Variants in ZFP2 observed in about 807,000 individuals in gnomAD.
ZFP2 encodes ZFP2 zinc finger protein.
ZFP2 carries 33 observed loss-of-function variants against 36.1 expected under a neutral mutation model. The observed-to-expected ratio is 0.92, with a 90% CI of 0.69 to 1.22. The LOEUF (loss-of-function observed/expected upper bound fraction) is 1.22, where lower values mean the gene tolerates loss of function less well. ZFP2 is among the 50% of genes most tolerant of loss of function. ZFP2 has a pLI of 0.00. For missense variants in ZFP2, 522 were observed against 551.4 expected (o/e 0.95, Z 0.53); for synonymous variants, 170 against 178.0 (o/e 0.96, Z 0.36).
chr5:178,932,746 A>C lies in ZFP2; in HGVS notation c.*47A>C. 6.5e-7 allele frequency: 1 copy of C among 1,527,670 alleles called. No homozygotes were observed. Among genetic ancestry groups the C allele is most frequent in the Non-Finnish European group, 8.8e-7 (1 of 1,141,142 alleles). The allele number at this position is 1,527,670 out of a possible 1,614,324, so 94.6% of individuals were successfully genotyped here. A position where few individuals can be genotyped will look rare whatever the true frequency, so the allele number is the denominator to read the frequency against. ...ACCTCATGATTAACTCTTCAGTAAT[A>C]ATCATATGAGACATACAATGTAGAA... is the stretch of plus-strand genomic sequence containing the variant. On this transcript the variant is annotated 3_prime_UTR_variant, in exon 5 of 5. Transcript: ENST00000361362.
intron 1 of ZFP2, 24 bp from the exon 2 acceptor site, chr5:178,912,557 CATA>C: frequency 4.0e-6 from 3 of 743,708 alleles, no homozygotes; most frequent in Non-Finnish European, 3.3e-6. Context: ...GTTTGGTTGG[CATA>C]ATCCCTTATT....
At chr5:178,915,516 G>C (rs781239729) in intron 3 of ZFP2, among the ~76,000 whole-genome samples, 1 of 151,540 alleles carries the variant, frequency 6.6e-6, no homozygotes, top group Non-Finnish European at 1.5e-5. Flanking sequence ...GTTTCACTGT[G>C]TTGTCCAGGC....
At chr5:178,896,165 C>A (rs1033135642) in intron 1 of ZFP2, among the ~76,000 whole-genome samples, 191 bp downstream of exon 1, 10 of 152,336 alleles carry the variant, frequency 6.6e-5, no homozygotes, top group Middle Eastern at 3.4e-3. Flanking sequence ...GGTGCGCTCC[C>A]TCTTCCCCAG....
At chr5:178,910,574 G>A (rs1758274858) in intron 1 of ZFP2, 1 of 477,414 alleles carries the variant, frequency 2.1e-6, no homozygotes, top group Non-Finnish European at 4.0e-6. Flanking sequence ...GGTCAATGAG[G>A]GATTCTTACA....
chr5:178,913,850 T>C (rs1251823186), intron 3 of ZFP2: 1 of 150,548 alleles, frequency 6.6e-6, no homozygotes, highest in African/African-American at 2.4e-5. Context: ...AATCATTTCT[T>C]TTTTTTTCTT....
intron 1 of ZFP2, among the ~76,000 whole-genome samples, chr5:178,904,226 C>T (rs971361131): frequency 6.6e-6 from 1 of 152,060 alleles, no homozygotes; most frequent in Non-Finnish European, 1.5e-5. Flanking sequence ...TGTGGTGTGC[C>T]GTGTTCTGGA....
At chr5:178,905,061 G>A (rs1269761424) in intron 1 of ZFP2, among the ~76,000 whole-genome samples, 4 of 152,046 alleles carry the variant, frequency 2.6e-5, no homozygotes, top group Non-Finnish European at 5.9e-5. Flanking sequence ...TTTCGTTACT[G>A]TTCTCGTATA....
chr5:178,922,450 T>A (rs1307065658), intron 4 of ZFP2: 1 of 1,381,660 alleles, frequency 7.2e-7, no homozygotes, highest in Non-Finnish European at 1.0e-6. Context: ...CTTACTTATG[T>A]TTGTTAGGAC....
At position 178,931,991 on chromosome 5, in the gene ZFP2, C is replaced by G; in HGVS notation, c.678C>G (p.Ser226Arg). 1 of 1,613,618 alleles carries G rather than the reference C, an allele frequency of 6.2e-7. No individual in the cohort carries two copies. The highest frequency in any genetic ancestry group is 8.5e-7 in the Non-Finnish European group (1 of 1,179,834). ...AATGTGGTAAAGCTTTTACCCAAAG[C>G]ATGAATTTGACAGTTCATCAGAGAA... ...CNECGKAFTQ[S>R]MNLTVHQRTH... Residue 226 changes from serine (S) to arginine (R), a missense_variant, in exon 5 of 5, where the codon AGC becomes AGG. Ser to Arg is a moderately radical substitution (Grantham distance 110). Transcript: ENST00000361362.
chr5:178,931,219 ATTT>A lies in ZFP2; in HGVS notation c.-77-6_-77-4del, dbSNP rs10611847. 1.3e-3 allele frequency: 1,773 copies of A among 1,334,252 alleles called. No homozygotes were observed. The highest frequency in any genetic ancestry group is 4.0e-3 in the South Asian group (253 of 62,698). 82.7% of individuals were successfully genotyped at this position (1,334,252 alleles called of 1,614,324 possible). On this transcript the variant is annotated splice_polypyrimidine_tract_variant and intron_variant, in intron 4 of 4. Coordinates refer to ENST00000361362, the MANE Select transcript of ZFP2 (RefSeq NM_030613.4). The stretch of plus-strand genomic sequence containing the variant: ...AGCACAGAAACCAATGTGCATTTGA[ATTT>A]TTTTTTTTTTTCAGACTGGGAGACA...
intron 3 of ZFP2, among the ~76,000 whole-genome samples, chr5:178,915,064 G>T (rs1428127355): frequency 1.3e-5 from 2 of 152,080 alleles, no homozygotes; most frequent in African/African-American, 4.8e-5. Flanking sequence ...TCTTTCTAAC[G>T]CATACACTAA....
rs140221931 is a variant in ZFP2 at position 178,925,787 on chromosome 5, T to C, written c.-77-5450T>C. Among the ~76,000 whole-genome samples the C allele has an allele frequency of 3.4e-3, 511 of 149,640 alleles. 14 individuals carry two copies. Among genetic ancestry groups the C allele is most frequent in the African/African-American group, 0.011 (472 of 41,300 alleles). On this transcript the variant is annotated intron_variant, in intron 4 of 4. Coordinates refer to ENST00000361362, the MANE Select transcript of ZFP2 (RefSeq NM_030613.4). ...TTTCCAAGTCTCCATTCTAGTTTTTTGTGGGTCATGTGTTGCAAATATCTT... is the reference window on the plus strand; with the variant it reads ...TTTCCAAGTCTCCATTCTAGTTTTTCGTGGGTCATGTGTTGCAAATATCTT...
intron 4 of ZFP2, among the ~76,000 whole-genome samples, chr5:178,926,732 A>C (rs1721543638): frequency 6.6e-6 from 1 of 151,992 alleles, no homozygotes; most frequent in South Asian, 2.1e-4. Context: ...GTTAGCCAGG[A>C]TGGTCTAGAT....
In ZFP2 at chr5:178,931,487, T is replaced by C; in HGVS notation, c.174T>C (p.Asp58=). The C allele has an allele frequency of 6.2e-7, 1 of 1,614,174 alleles. No homozygotes were observed. The highest frequency in any genetic ancestry group is 8.5e-7 in the Non-Finnish European group (1 of 1,180,028). The stretch of plus-strand genomic sequence containing the variant: ...AATTTGAAAGATGTTCCAGTCAGGA[T>C]TCAATCCTTGATACACAGCAAAGCA... ...GNEFERCSSQ[D]SILDTQQSIP... is the part of the protein sequence containing the mutation. Residue 58 remains aspartate, a synonymous_variant, in exon 5 of 5, where the codon GAT becomes GAC. Coordinates refer to ENST00000361362, the MANE Select transcript of ZFP2 (RefSeq NM_030613.4).
intron 1 of ZFP2, among the ~76,000 whole-genome samples, chr5:178,897,153 G>A (rs1169742141): frequency 6.6e-6 from 1 of 151,864 alleles, no homozygotes; most frequent in Non-Finnish European, 1.5e-5. Context: ...CCAGGGTACA[G>A]TAAGGATTTT....
intron 4 of ZFP2, among the ~76,000 whole-genome samples, chr5:178,925,097 A>T (rs1758638347): frequency 7.6e-6 from 1 of 130,870 alleles, no homozygotes; most frequent in African/African-American, 2.6e-5. Context: ...TAAAACTTTA[A>T]ATTGAATCTT....
intron 3 of ZFP2, 83 bp from the exon 4 acceptor site, chr5:178,916,482 G>A: frequency 1.1e-6 from 1 of 900,672 alleles, no homozygotes; most frequent in Non-Finnish European, 1.3e-6. Flanking sequence ...TGCAGTGGGA[G>A]AAACTAAAGA....
chr5:178,910,565 G>T (rs1758274551), intron 1 of ZFP2: 2 of 490,724 alleles, frequency 4.1e-6, no homozygotes, highest in East Asian at 9.0e-5. Context: ...GCTGCCCAGG[G>T]TCAATGAGGG....
rs537832967 is a variant in ZFP2 at position 178,910,330 on chromosome 5, A to T, written c.-449-2254A>T. On this transcript the variant is annotated intron_variant, in intron 1 of 4. Coordinates refer to ENST00000361362, the MANE Select transcript of ZFP2 (RefSeq NM_030613.4). ...GCATCTTCCCACTCATCCTTGTAGC[A>T]CCTGAACAGTTCTTCCAACCCCTGC... is the stretch of plus-strand genomic sequence containing the variant. The T allele has an allele frequency of 5.1e-6, 6 of 1,173,094 alleles. No homozygotes were observed. In the East Asian group the frequency reaches 1.4e-4, roughly 27 times the overall value. The allele number at this position is 1,173,094 out of a possible 1,614,324, so 72.7% of individuals were successfully genotyped here.
Sources: gnomAD v4.1 joint callset for allele counts (sites outside exome capture counted in the v4.1 genomes callset) on GRCh38, gnomAD v4.1.1 for gene constraint, MANE v1.5 for transcripts, NCBI Gene and HGNC (gene_info 2026-07-23, HGNC 2026-07-21) for gene names.